The following TAB2 variants were observed in gnomAD, a reference collection of about 807,000 sequenced individuals.
TAB2 encodes TGF-beta-activated kinase 1 and MAP3K7-binding protein 2.
Under a neutral mutation model 65.0 loss-of-function variants are expected in TAB2, and 3 were observed. The observed-to-expected ratio is 0.05, with a 90% confidence interval of 0.02 to 0.12. TAB2 has a LOEUF of 0.12. TAB2 is among the 10% of genes least tolerant of loss of function. TAB2 has a pLI of 1.00. For missense variants in TAB2, 623 were observed against 840.3 expected, an observed-to-expected ratio of 0.74 and a Z score of 3.20; for synonymous variants, 298 against 285.1, an observed-to-expected ratio of 1.05 and a Z score of -0.46.
At chr6:149,404,876 AC>A (rs1252180395) in intron 6 of TAB2, among the ~76,000 whole-genome samples, 3 of 152,236 alleles carry the variant, frequency 2.0e-5, no homozygotes, top group Non-Finnish European at 4.4e-5. Context: ...TGGATATGAC[AC>A]CAAAAGCACA....
chr6:149,218,608 C>CTGGGT, upstream of TAB2: 1 of 342,114 alleles, frequency 2.9e-6, no homozygotes, highest in South Asian at 2.3e-5. Flanking sequence ...GAAAGACACT[C>CTGGGT]TTATATTCTT....
intron 1 of TAB2, among the ~76,000 whole-genome samples, chr6:149,366,346 A>G (rs1025170800): frequency 6.6e-6 from 1 of 152,108 alleles, no homozygotes; most frequent in Non-Finnish European, 1.5e-5. Context: ...TGTCGCACAT[A>G]TGTATAGTTT....
At chr6:149,306,638 G>A (rs1462537802) in intron 1 of TAB2, among the ~76,000 whole-genome samples, 1 of 152,010 alleles carries the variant, frequency 6.6e-6, no homozygotes, top group African/African-American at 2.4e-5. Flanking sequence ...TGTAGTCCCA[G>A]CTACTTGGAA....
At chr6:149,245,583 AT>A (rs1190337385) in intron 1 of TAB2, 4 of 151,852 alleles carry the variant, frequency 2.6e-5, no homozygotes, top group Non-Finnish European at 5.9e-5. Flanking sequence ...AAATTCCTTC[AT>A]TCTTTTTCAC....
chr6:149,357,944 A>G (rs775104862), intron 1 of TAB2, among the ~76,000 whole-genome samples: 1 of 151,986 alleles, frequency 6.6e-6, no homozygotes, highest in Admixed American at 6.6e-5. Flanking sequence ...CAAGTGATCC[A>G]CCTGCCTTGG....
chr6:149,336,312 A>G (rs1779934474), intron 1 of TAB2, among the ~76,000 whole-genome samples: 2 of 152,192 alleles, frequency 1.3e-5, no homozygotes, highest in African/African-American at 2.4e-5. Flanking sequence ...GAGGTGAACT[A>G]TAAGCCTAAT....
At chr6:149,313,569 C>G (rs950013459), upstream of TAB2, among the ~76,000 whole-genome samples, 6 of 152,196 alleles carry the variant, frequency 3.9e-5, no homozygotes, top group African/African-American at 1.4e-4. Flanking sequence ...GCTCCAGTCC[C>G]ATGTTTTCAC....
At chr6:149,226,085 C>T (rs1452194642) in intron 1 of TAB2, among the ~76,000 whole-genome samples, 2 of 152,114 alleles carry the variant, frequency 1.3e-5, no homozygotes, top group East Asian at 1.9e-4. Context: ...TACACAACAG[C>T]CACCACCAGG....
intron 3 of TAB2, among the ~76,000 whole-genome samples, chr6:149,391,388 C>T (rs370732613): frequency 3.3e-5 from 5 of 152,238 alleles, no homozygotes; most frequent in Admixed American, 2.0e-4. Flanking sequence ...TGTCTCCCTT[C>T]AGCCCTGGGA....
intron 1 of TAB2, among the ~76,000 whole-genome samples, chr6:149,323,018 T>G (rs1281023379): frequency 6.6e-6 from 1 of 152,176 alleles, no homozygotes; most frequent in South Asian, 2.1e-4. Context: ...TTTCAGTCTT[T>G]ACTTCACATT....
intron 2 of TAB2, among the ~76,000 whole-genome samples, chr6:149,375,677 T>A (rs925255077): frequency 1.3e-5 from 2 of 152,116 alleles, no homozygotes; most frequent in African/African-American, 4.8e-5. Context: ...AAGAATTTAC[T>A]TGGAATGGCA....
At chr6:149,360,752 A>C (rs1183421706) in intron 1 of TAB2, among the ~76,000 whole-genome samples, 1 of 152,194 alleles carries the variant, frequency 6.6e-6, no homozygotes, top group Non-Finnish European at 1.5e-5. Flanking sequence ...ATCTGAGTTA[A>C]GCCAAGTCCC....
At chr6:149,269,303 A>G (rs4897103) in intron 1 of TAB2, among the ~76,000 whole-genome samples, 77,464 of 151,984 alleles carry the variant, frequency 0.51, 20,990 homozygotes, top group East Asian at 0.69. Context: ...TTGACGTGGT[A>G]AAAGAAGTTA....
At chr6:149,386,160 A>G (rs1360236372) in intron 3 of TAB2, among the ~76,000 whole-genome samples, 1 of 152,238 alleles carries the variant, frequency 6.6e-6, no homozygotes, top group South Asian at 2.1e-4. Context: ...ACACGGGATT[A>G]TATAATATGC....
At chr6:149,381,549 T>C (rs574360591) in intron 3 of TAB2, among the ~76,000 whole-genome samples, 1 of 150,928 alleles carries the variant, frequency 6.6e-6, no homozygotes, top group South Asian at 2.1e-4. Context: ...AAACTTGCTA[T>C]CTTCAATTCC....
chr6:149,404,274 TGAAG>T (rs1435213977), intron 6 of TAB2, among the ~76,000 whole-genome samples: 1 of 152,096 alleles, frequency 6.6e-6, no homozygotes, highest in Non-Finnish European at 1.5e-5. Context: ...AAAACATTGA[TGAAG>T]GAAATTAAAG....
chr6:149,292,468 C>A (rs922170664), intron 1 of TAB2, among the ~76,000 whole-genome samples: 1 of 152,128 alleles, frequency 6.6e-6, no homozygotes, highest in South Asian at 2.1e-4. Context: ...ACTACACCAG[C>A]AAGCATTTCT....
chr6:149,281,555 C>CAAAAAAAAAAAAAAAAAAAAAAAAA (rs59196897), intron 1 of TAB2, among the ~76,000 whole-genome samples: 2 of 70,346 alleles, frequency 2.8e-5, no homozygotes, highest in East Asian at 3.2e-4. Context: ...GATGCCATCT[C>CAAAAAAAAAAAAAAAAAAAAAAAAA]AAAAAAAAAA....
intron 1 of TAB2, among the ~76,000 whole-genome samples, chr6:149,339,973 GTAA>G (rs535837212): frequency 6.6e-6 from 1 of 151,836 alleles, no homozygotes; most frequent in Non-Finnish European, 1.5e-5. Flanking sequence ...CGATTCATAA[GTAA>G]TAATGCTAAT....
Sources: allele counts gnomAD v4.1 joint callset (sites outside exome capture counted in the v4.1 genomes callset), GRCh38; gene constraint gnomAD v4.1.1; transcripts MANE v1.5; gene names NCBI Gene and HGNC (gene_info 2026-07-23, HGNC 2026-07-21).